TBX19: variants seen among roughly 807,000 people sequenced by gnomAD.
The protein encoded by TBX19 is T-box transcription factor TBX19.
In TBX19, 33 loss-of-function variants were observed where a neutral mutation model predicts 40.9. The observed-to-expected ratio is 0.81, with a 90% confidence interval of 0.61 to 1.08. TBX19 has a LOEUF of 1.08. Among genes scored for constraint, TBX19 ranks in the 50% least tolerant of loss-of-function variants. TBX19 has a pLI of 0.00. For missense variants in TBX19, 494 were observed against 574.0 expected (o/e 0.86, Z 1.42); for synonymous variants, 220 against 225.0 (o/e 0.98, Z 0.20).
At chr1:168,301,681 T>C (rs1338343235) in intron 5 of TBX19, among the ~76,000 whole-genome samples, 1 of 152,246 alleles carries the variant, frequency 6.6e-6, no homozygotes, top group Non-Finnish European at 1.5e-5. Context: ...CAGATTCAAG[T>C]TCCCCTGAAT....
At chr1:168,311,730 T>C (rs1012923909) in intron 7 of TBX19, among the ~76,000 whole-genome samples, 2 of 152,194 alleles carry the variant, frequency 1.3e-5, no homozygotes, top group South Asian at 4.1e-4. Flanking sequence ...CTCTAAAATG[T>C]AAGAAACATA....
chr1:168,312,904 G>T lies in TBX19; in HGVS notation c.1249G>T (p.Ala417Ser), dbSNP rs1649560681. ...GGGGGAGCCCTCGCTAACCAGCATT[G>T]CTGTGTCCACCTGGACAGCAGTGGC... ...VLGEPSLTSI[A>S]VSTWTAVASH... The change falls in exon 8 of 8, where the codon GCT (alanine) becomes TCT (serine). Residue 417 changes from alanine to serine, a missense_variant. Around this residue, in one of 3 missense-constraint regions of TBX19, gnomAD observed 284 missense variants for 307.3 expected, o/e 0.92. Transcript: ENST00000367821. The T allele has an allele frequency of 6.2e-7, 1 of 1,614,134 alleles. No homozygotes were observed. The highest frequency in any genetic ancestry group is 1.3e-5 in the African/African-American group (1 of 74,950).
At chr1:168,293,891 T>C (rs575334379) in intron 3 of TBX19, among the ~76,000 whole-genome samples, 1 of 152,272 alleles carries the variant, frequency 6.6e-6, no homozygotes, top group Non-Finnish European at 1.5e-5. Flanking sequence ...TTGAATTCTT[T>C]TTGATTAAAC....
At chr1:168,311,491 C>T (rs1269965996) in intron 7 of TBX19, among the ~76,000 whole-genome samples, 1 of 152,088 alleles carries the variant, frequency 6.6e-6, no homozygotes, top group African/African-American at 2.4e-5. Context: ...AGAGAGAGCT[C>T]AGAGGATGGG....
At chr1:168,309,909 C>T (rs183422686) in intron 7 of TBX19, among the ~76,000 whole-genome samples, 54 of 152,238 alleles carry the variant, frequency 3.5e-4, no homozygotes, top group Admixed American at 1.0e-3. Context: ...AATGCATTAA[C>T]GTGCTTTGTA....
chr1:168,295,649 A>G (rs1649085271), intron 3 of TBX19, among the ~76,000 whole-genome samples: 1 of 152,184 alleles, frequency 6.6e-6, no homozygotes, highest in African/African-American at 2.4e-5. Flanking sequence ...CAGTCTTTCG[A>G]TGATAAAGTA....
At chr1:168,312,603 C>T in intron 7 of TBX19, 105 bp from the exon 8 acceptor site, 1 of 1,346,562 alleles carries the variant, frequency 7.4e-7, no homozygotes, top group East Asian at 2.3e-5. Context: ...CAGAAGCCCT[C>T]CTGTAACCAT....
At chr1:168,296,638 G>T (rs951756263) in intron 3 of TBX19, among the ~76,000 whole-genome samples, 1 of 152,098 alleles carries the variant, frequency 6.6e-6, no homozygotes, top group Non-Finnish European at 1.5e-5. Flanking sequence ...TGAAATTTGG[G>T]TAGGGACATA....
chr1:168,298,579 C>T (rs900863383), intron 4 of TBX19, among the ~76,000 whole-genome samples: 1 of 152,108 alleles, frequency 6.6e-6, no homozygotes, highest in Admixed American at 6.5e-5. Flanking sequence ...GGGGCAGCGA[C>T]CTGCCATCTC....
In TBX19 at chr1:168,285,261, TCACACACACACACACACA is replaced by T. The variant is rs36217752; in HGVS notation, c.203+3990_203+4007del. On this transcript the variant is annotated intron_variant, in intron 1 of 7. Transcript: ENST00000367821. ...TGTCAGCATCCATGCACCATGTATG[TCACACACACACACACACA>T]CACACACACACACACACACACCCCT... Among the ~76,000 whole-genome samples, 390 of 148,170 alleles carry T rather than the reference TCACACACACACACACACA, an allele frequency of 2.6e-3. 1 individual carries two copies. Among genetic ancestry groups the T allele is most frequent in the Non-Finnish European group, 4.2e-3 (284 of 66,968 alleles).
intron 4 of TBX19, among the ~76,000 whole-genome samples, chr1:168,299,668 T>C (rs1270677288): frequency 6.6e-6 from 1 of 152,054 alleles, no homozygotes; most frequent in Admixed American, 6.6e-5. Flanking sequence ...AGACAGGGGC[T>C]CTCAGTATGT....
intron 3 of TBX19, among the ~76,000 whole-genome samples, chr1:168,295,064 G>A (rs1261102786): frequency 3.9e-5 from 6 of 152,056 alleles, no homozygotes; most frequent in African/African-American, 1.2e-4. Flanking sequence ...AGGCCAAGGC[G>A]GGCAGATCAT....
At position 168,280,990 on chromosome 1, in the gene TBX19, G is replaced by GCA; in HGVS notation, c.-99_-98dup. The GCA allele has an allele frequency of 9.0e-7, 1 of 1,114,628 alleles. No homozygotes were observed. Among genetic ancestry groups the GCA allele is most frequent in the Non-Finnish European group, 1.3e-6 (1 of 746,234 alleles). 69.0% of individuals were successfully genotyped at this position (1,114,628 alleles called of 1,614,324 possible). On this transcript the variant is annotated 5_prime_UTR_variant, in exon 1 of 8. Coordinates refer to ENST00000367821, the MANE Select transcript of TBX19 (RefSeq NM_005149.3). ...AGGGTATCTTCTCTCCGCTCCCCAA[G>GCA]CACTGTTCAAGTGGGTTTGAAAAGC...
chr1:168,304,061 T>C (rs1350100131), intron 5 of TBX19, among the ~76,000 whole-genome samples: 1 of 152,154 alleles, frequency 6.6e-6, no homozygotes, highest in African/African-American at 2.4e-5. Flanking sequence ...GCCCAGTAGG[T>C]CTCAGCCTCA....
intron 1 of TBX19, among the ~76,000 whole-genome samples, chr1:168,284,068 C>T (rs1371313594): frequency 1.3e-5 from 2 of 152,104 alleles, no homozygotes. Context: ...CTGATGTTGG[C>T]CTCTCTTCTT....
At chr1:168,298,820 T>TC (rs1491305371) in intron 4 of TBX19, among the ~76,000 whole-genome samples, 1 of 31,544 alleles carries the variant, frequency 3.2e-5, no homozygotes, top group African/African-American at 1.7e-4. Context: ...CCTCCCTCCC[T>TC]TCCTTTCTTT....
intron 3 of TBX19, among the ~76,000 whole-genome samples, chr1:168,294,799 G>T (rs763736773): frequency 2.0e-5 from 3 of 152,226 alleles, no homozygotes; most frequent in African/African-American, 4.8e-5. Flanking sequence ...ACCGTGCCCG[G>T]CCCTTTATTT....
At chr1:168,288,769 T>C (rs1648866958) in intron 1 of TBX19, among the ~76,000 whole-genome samples, 1 of 36,948 alleles carries the variant, frequency 2.7e-5, no homozygotes, top group African/African-American at 5.6e-5. Flanking sequence ...TTTTGGTACT[T>C]TTTTTTTTTG....
chr1:168,292,843 G>A (rs1415163986), intron 2 of TBX19, among the ~76,000 whole-genome samples: 4 of 128,212 alleles, frequency 3.1e-5, no homozygotes, highest in Non-Finnish European at 3.1e-5. Flanking sequence ...CAGCCTGGGT[G>A]ACAGAGCGAG....
Sources: gnomAD v4.1 joint callset for allele counts (sites outside exome capture counted in the v4.1 genomes callset) on GRCh38, gnomAD v4.1.1 for gene constraint, gnomAD v4.1.1 regional missense constraint, MANE v1.5 for transcripts, NCBI Gene and HGNC (gene_info 2026-07-23, HGNC 2026-07-21) for gene names.